The following CADM2 variants were observed in gnomAD, a reference collection of about 807,000 sequenced individuals.
CADM2 encodes the protein cell adhesion molecule 2, also known as immunoglobulin superfamily member 4D.
Under a neutral mutation model 49.8 loss-of-function variants are expected in CADM2, and 12 were observed. The observed-to-expected ratio is 0.24, with a 90% CI of 0.15 to 0.39. The LOEUF (loss-of-function observed/expected upper bound fraction) is 0.39. Among genes scored for constraint, CADM2 ranks in the 10% least tolerant of loss-of-function variants. CADM2 has a pLI of 1.00. For missense variants in CADM2, 378 were observed against 492.3 expected, an observed-to-expected ratio of 0.77 and a Z score of 2.20; for synonymous variants, 214 against 175.4, an observed-to-expected ratio of 1.22 and a Z score of -1.74.
chr3:85,705,492 T>A (rs2066916195), intron 1 of CADM2, among the ~76,000 whole-genome samples: 1 of 152,168 alleles, frequency 6.6e-6, no homozygotes, highest in Admixed American at 6.5e-5. Context: ...TAAATGAACA[T>A]GACAATACAC....
chr3:85,013,819 ATAAT>A (rs1273518215), intron 1 of CADM2, among the ~76,000 whole-genome samples: 3 of 147,738 alleles, frequency 2.0e-5, no homozygotes, highest in South Asian at 2.1e-4. Flanking sequence ...AATTTTAATT[ATAAT>A]TAATTAATAT....
At chr3:85,714,624 G>T (rs1006023450) in intron 1 of CADM2, among the ~76,000 whole-genome samples, 4 of 151,888 alleles carry the variant, frequency 2.6e-5, no homozygotes, top group East Asian at 1.9e-4. Context: ...TAGAGACGGG[G>T]TTTCACCGTG....
chr3:86,061,930 T>C (rs968611444), intron 8 of CADM2, among the ~76,000 whole-genome samples: 3 of 151,046 alleles, frequency 2.0e-5, no homozygotes, highest in Non-Finnish European at 4.4e-5. Context: ...ATTTTAAAAT[T>C]ATATTTTGAT....
intron 1 of CADM2, among the ~76,000 whole-genome samples, chr3:85,569,656 G>A (rs1426507912): frequency 6.8e-6 from 1 of 147,694 alleles, no homozygotes. Flanking sequence ...TCCAATATGG[G>A]ATGATTGGTT....
chr3:85,021,376 T>C (rs1012282495), intron 1 of CADM2, among the ~76,000 whole-genome samples: 8 of 152,186 alleles, frequency 5.3e-5, no homozygotes, highest in Admixed American at 2.6e-4. Flanking sequence ...TTGGAATTTA[T>C]CGAGAATGTC....
intron 1 of CADM2, among the ~76,000 whole-genome samples, chr3:84,999,962 C>T (rs1209089747): frequency 6.6e-6 from 1 of 152,090 alleles, no homozygotes; most frequent in African/African-American, 2.4e-5. Context: ...ACTCCCATAG[C>T]ATGTAGAAAT....
At chr3:84,992,662 G>GT (rs757898910) in intron 1 of CADM2, among the ~76,000 whole-genome samples, 33 of 152,036 alleles carry the variant, frequency 2.2e-4, no homozygotes, top group Admixed American at 9.2e-4. Flanking sequence ...CAAATAACTA[G>GT]TTTTTTTGGT....
intron 8 of CADM2, among the ~76,000 whole-genome samples, chr3:86,001,028 A>G (rs1325450680): frequency 6.6e-6 from 1 of 152,176 alleles, no homozygotes; most frequent in African/African-American, 2.4e-5. Context: ...TTAGACTACA[A>G]TGTCAGAATT....
chr3:85,100,825 A>G (rs1467390524), intron 1 of CADM2, among the ~76,000 whole-genome samples: 2 of 152,242 alleles, frequency 1.3e-5, no homozygotes, highest in Non-Finnish European at 2.9e-5. Context: ...AATTACTTTC[A>G]ATGATGTCAT....
chr3:85,516,913 C>G (rs1351802234), intron 1 of CADM2, among the ~76,000 whole-genome samples: 2 of 151,802 alleles, frequency 1.3e-5, no homozygotes, highest in Non-Finnish European at 2.9e-5. Flanking sequence ...TTATATTTTA[C>G]TCAAATCCTT....
chr3:85,053,133 C>A (rs916453470), intron 1 of CADM2, among the ~76,000 whole-genome samples: 1 of 151,968 alleles, frequency 6.6e-6, no homozygotes, highest in African/African-American at 2.4e-5. Flanking sequence ...ATTTGCCAAA[C>A]TAGTAAAAAA....
chr3:85,447,561 G>A lies in CADM2; in HGVS notation c.62-278961G>A, dbSNP rs570830671. ...GGTTACCCTTCACTTCATTAATCGT[G>A]TTTATTCAAGTTTGCATTCTATCTA... On this transcript the variant is annotated intron_variant, in intron 1 of 9. Transcript: ENST00000383699. Among the ~76,000 whole-genome samples, 11 of 152,246 alleles carry A rather than the reference G, an allele frequency of 7.2e-5. No homozygotes were observed. The South Asian group carries it at 1.5e-3, about 20-fold the overall frequency.
intron 2 of CADM2, among the ~76,000 whole-genome samples, chr3:85,778,890 T>C (rs1198890124): frequency 6.6e-6 from 1 of 152,288 alleles, no homozygotes; most frequent in Non-Finnish European, 1.5e-5. Context: ...AGACACACTC[T>C]TCATACACTT....
intron 2 of CADM2, among the ~76,000 whole-genome samples, chr3:85,801,595 C>A (rs2108074483): frequency 6.6e-6 from 1 of 152,150 alleles, no homozygotes; most frequent in African/African-American, 2.4e-5. Flanking sequence ...GTTTGAGTAT[C>A]CATATTTCAA....
At chr3:85,936,562 A>G (rs1170361333) in intron 7 of CADM2, among the ~76,000 whole-genome samples, 4 of 151,806 alleles carry the variant, frequency 2.6e-5, no homozygotes, top group Non-Finnish European at 4.4e-5. Flanking sequence ...GCCTAGCTTT[A>G]TGTAATTTAC....
At chr3:85,939,002 T>A (rs1166897287) in intron 7 of CADM2, among the ~76,000 whole-genome samples, 1 of 152,084 alleles carries the variant, frequency 6.6e-6, no homozygotes, top group Non-Finnish European at 1.5e-5. Context: ...ATTAGGTATA[T>A]TGGTAGTAGG....
chr3:86,065,674 T>C lies in CADM2; in HGVS notation c.1040T>C (p.Val347Ala). ...ATAGGAGGAATAGTGGCTGTAGTTG[T>C]ATTTGTCACGCTGTGTTCTATCTTT... Reference protein sequence around the residue: ...ALIGGIVAVVVFVTLCSIFLL... With the variant: ...ALIGGIVAVVAFVTLCSIFLL... Residue 347 changes from valine to alanine, a missense_variant, in exon 9 of 10, where the codon GTA becomes GCA. Coordinates refer to ENST00000383699, the MANE Select transcript of CADM2 (RefSeq NM_001167675.2). 6.2e-7 allele frequency: 1 copy of C among 1,614,088 alleles called. No individual in the cohort carries two copies. Among genetic ancestry groups the C allele is most frequent in the Non-Finnish European group, 8.5e-7 (1 of 1,179,968 alleles).
chr3:85,457,878 T>A (rs1340034634), intron 1 of CADM2, among the ~76,000 whole-genome samples: 1 of 152,204 alleles, frequency 6.6e-6, no homozygotes, highest in Non-Finnish European at 1.5e-5. Flanking sequence ...TGTAACACAA[T>A]TCTTTTTGGC....
At chr3:85,174,277 G>A (rs150335816) in intron 1 of CADM2, among the ~76,000 whole-genome samples, 181 of 152,186 alleles carry the variant, frequency 1.2e-3, no homozygotes, top group African/African-American at 3.9e-3. Context: ...AAGCTGTTGT[G>A]CCCTGTAAGA....
Sources: allele counts gnomAD v4.1 joint callset (sites outside exome capture counted in the v4.1 genomes callset), GRCh38; gene constraint gnomAD v4.1.1; transcripts MANE v1.5; gene names NCBI Gene and HGNC (gene_info 2026-07-23, HGNC 2026-07-21).